Variants in CNGB1 observed in about 807,000 individuals in gnomAD.
CNGB1 encodes the protein cyclic nucleotide gated channel subunit beta 1.
A neutral mutation model predicts 151.7 loss-of-function variants in CNGB1; 126 were observed. The observed-to-expected ratio is 0.83, with a 90% CI of 0.72 to 0.96. The LOEUF (loss-of-function observed/expected upper bound fraction) is 0.96. Among genes scored for constraint, CNGB1 ranks in the 40% least tolerant of loss-of-function variants. The pLI, the probability that CNGB1 is intolerant of heterozygous loss-of-function variation, is 0.00. For synonymous variants in CNGB1, 623 were observed against 635.1 expected (o/e 0.98, Z 0.29); for missense variants, 1,698 against 1,627.0 (o/e 1.04, Z -0.75).
intron 32 of CNGB1, among the ~76,000 whole-genome samples, chr16:57,887,348 T>C (rs1363641222): frequency 6.6e-6 from 1 of 151,912 alleles, no homozygotes; most frequent in Non-Finnish European, 1.5e-5. Context: ...CAGGGGCGGG[T>C]ATGTGACCCA....
intron 16 of CNGB1, among the ~76,000 whole-genome samples, chr16:57,933,642 T>C (rs1270024574): frequency 3.9e-5 from 6 of 152,112 alleles, no homozygotes; most frequent in Non-Finnish European, 8.8e-5. Flanking sequence ...CAGGCAGGGA[T>C]ACACCCCCCA....
At position 57,950,550 on chromosome 16, in the gene CNGB1, A is replaced by T; in HGVS notation, c.875-10T>A. ...CCAGGAAGGATGCTGACTGCAGGGA[A>T]CACAGGAAGAGCCATTTATGGGATG... On this transcript the variant is annotated splice_polypyrimidine_tract_variant and intron_variant, in intron 12 of 32. Coordinates refer to ENST00000251102, the MANE Select transcript of CNGB1 (RefSeq NM_001297.5). The T allele has an allele frequency of 6.2e-7, 1 of 1,613,938 alleles. No homozygotes were observed. Among genetic ancestry groups the T allele is most frequent in the Non-Finnish European group, 8.5e-7 (1 of 1,179,914 alleles).
intron 14 of CNGB1, 101 bp from the exon 15 acceptor site, chr16:57,940,422 G>A: frequency 1.7e-6 from 2 of 1,173,476 alleles, no homozygotes; most frequent in African/African-American, 1.5e-5. Context: ...AGGAGCGGAG[G>A]GTACAGAGAT....
In CNGB1 at chr16:57,916,120, G is replaced by C. The variant is rs368099688; in HGVS notation, c.2217+9C>G. 1.9e-6 allele frequency: 3 copies of C among 1,613,682 alleles called. No homozygotes were observed. Among genetic ancestry groups the C allele is most frequent in the Admixed American group, 1.7e-5 (1 of 59,986 alleles). The stretch of plus-strand genomic sequence containing the variant: ...CGCAGACGCTAAACCTTGCATGCCC[G>C]GCACACACCTTGAAGCGGCGAGACT... On this transcript the variant is annotated intron_variant, in intron 22 of 32. Transcript: ENST00000251102.
intron 26 of CNGB1, among the ~76,000 whole-genome samples, 197 bp from the exon 27 acceptor site, chr16:57,904,178 G>C (rs999452453): frequency 3.5e-4 from 54 of 152,116 alleles, no homozygotes; most frequent in African/African-American, 1.1e-3. Flanking sequence ...CATGGATGTG[G>C]GGAAGAGGAA....
At chr16:57,896,502 C>T (rs1213610587) in intron 31 of CNGB1, among the ~76,000 whole-genome samples, 1 of 151,790 alleles carries the variant, frequency 6.6e-6, no homozygotes, top group Non-Finnish European at 1.5e-5. Flanking sequence ...ATCACGATGT[C>T]AGGAGTTTGA....
rs1433499581 is a variant in CNGB1, at chr16:57,919,168, G to A, written c.1888C>T (p.Leu630Phe). 1 of 1,614,214 alleles carries A rather than the reference G, an allele frequency of 6.2e-7. No homozygotes were observed. The highest frequency in any genetic ancestry group is 1.1e-5 in the South Asian group (1 of 91,088). ...PVEEEHYCDM[L>F]CCKFKHRPWK... The stretch of plus-strand genomic sequence containing the variant: ...GGGCGGTGTTTGAACTTGCAGCAGA[G>A]CATGTCGCAATAGTGCTCCTCTTCC... Residue 630 changes from leucine to phenylalanine, a missense_variant, in exon 20 of 33, where the codon CTC becomes TTC. Physicochemically the swap from Leu to Phe is conservative, Grantham distance 22. Coordinates refer to ENST00000251102, the MANE Select transcript of CNGB1 (RefSeq NM_001297.5).
intron 26 of CNGB1, among the ~76,000 whole-genome samples, chr16:57,904,325 G>C (rs893747470): frequency 6.6e-6 from 1 of 152,144 alleles, no homozygotes; most frequent in African/African-American, 2.4e-5. Context: ...CTCCATGCTG[G>C]AGGAAATAGG....
intron 2 of CNGB1, 147 bp downstream of exon 2, chr16:57,966,981 G>A (rs1360584573): frequency 9.2e-6 from 10 of 1,087,492 alleles, no homozygotes; most frequent in East Asian, 2.5e-5. Context: ...TTTCTCACTC[G>A]AACAAGTGTG....
chr16:57,918,746 T>A lies in CNGB1; in HGVS notation c.1957+353A>T, dbSNP rs182232737. ...ACAGAGTCTCACTCTGTCACCTAGG[T>A]TGGAATGCAATTGTGCGATCTTGAC... On this transcript the variant is annotated intron_variant, in intron 20 of 32. Coordinates refer to ENST00000251102, the MANE Select transcript of CNGB1 (RefSeq NM_001297.5). Among the ~76,000 whole-genome samples the A allele has an allele frequency of 1.4e-3, 211 of 152,248 alleles. 1 individual carries two copies. Among genetic ancestry groups the A allele is most frequent in the African/African-American group, 5.0e-3 (206 of 41,554 alleles).
chr16:57,959,777 G>A (rs1962190006), intron 10 of CNGB1, 111 bp downstream of exon 10: 2 of 1,333,816 alleles, frequency 1.5e-6, no homozygotes, highest in South Asian at 3.4e-5. Flanking sequence ...GAAGGAGGCT[G>A]CACACATCCA....
chr16:57,951,281 G>A (rs773838486), intron 12 of CNGB1, among the ~76,000 whole-genome samples: 4 of 152,154 alleles, frequency 2.6e-5, no homozygotes, highest in Non-Finnish European at 5.9e-5. Flanking sequence ...AAAGGACAAT[G>A]CCTGAATACT....
chr16:57,928,891 C>T (rs750817100), intron 17 of CNGB1, among the ~76,000 whole-genome samples: 3 of 152,062 alleles, frequency 2.0e-5, no homozygotes, highest in Non-Finnish European at 4.4e-5. Context: ...CATCTGCCTC[C>T]GCCTCCCAAA....
chr16:57,938,045 C>T (rs74963797), intron 16 of CNGB1, among the ~76,000 whole-genome samples: 7,657 of 152,258 alleles, frequency 0.05, 629 homozygotes, highest in African/African-American at 0.17. Flanking sequence ...AGGTCTGGAT[C>T]GCGGCCCAAG....
rs200323241 is a variant in CNGB1, at chr16:57,962,587, C to T, written c.436G>A (p.Ala146Thr). ...CACCTAGTGTCTTGGGCCTCAAGGGCCTCATTGGGTTCATCTGTGCACCCT... is the reference window on the plus strand; with the variant it reads ...CACCTAGTGTCTTGGGCCTCAAGGGTCTCATTGGGTTCATCTGTGCACCCT... ...DTGCTDEPNE[A>T]LEAQDTRPGL... Residue 146 changes from alanine to threonine, a missense_variant, in exon 7 of 33, where the codon GCC becomes ACC. By Grantham distance (58) the Ala-to-Thr change is moderately conservative. Transcript: ENST00000251102. 2.5e-6 allele frequency: 4 copies of T among 1,614,016 alleles called. No homozygotes were observed. In the South Asian group the frequency reaches 4.4e-5, roughly 18 times the overall value.
At chr16:57,904,985 A>C in intron 25 of CNGB1, 110 bp from the exon 26 acceptor site, 1 of 1,385,572 alleles carries the variant, frequency 7.2e-7, no homozygotes, top group Non-Finnish European at 1.0e-6. Flanking sequence ...AAAGACAGAA[A>C]CCCTTTACAG....
At position 57,939,421 on chromosome 16, in the gene CNGB1, C is replaced by T. The variant is rs1208649170; in HGVS notation, c.1372+9G>A. On this transcript the variant is annotated intron_variant, in intron 16 of 32. Coordinates refer to ENST00000251102, the MANE Select transcript of CNGB1 (RefSeq NM_001297.5). ...TTGCGCAACCCATCACCACCACCAC[C>T]ACACCTACCTCCTGAACTGGCAGCC... The T allele has an allele frequency of 1.9e-6, 3 of 1,614,060 alleles. No individual in the cohort carries two copies. The highest frequency in any genetic ancestry group is 2.5e-6 in the Non-Finnish European group (3 of 1,180,002).
intron 14 of CNGB1, among the ~76,000 whole-genome samples, chr16:57,944,467 C>T (rs1206497884): frequency 1.3e-5 from 2 of 152,106 alleles, no homozygotes; most frequent in Non-Finnish European, 2.9e-5. Context: ...ATCTATTATA[C>T]AGCCTGTGAC....
intron 1 of CNGB1, among the ~76,000 whole-genome samples, chr16:57,967,580 C>T (rs763023027): frequency 1.3e-4 from 20 of 152,060 alleles, no homozygotes; most frequent in Non-Finnish European, 2.8e-4. Context: ...CCTGTAGTCC[C>T]AGCTACTCAG....
Sources: gnomAD v4.1 joint callset for allele counts (sites outside exome capture counted in the v4.1 genomes callset) on GRCh38, gnomAD v4.1.1 for gene constraint, MANE v1.5 for transcripts, NCBI Gene and HGNC (gene_info 2026-07-23, HGNC 2026-07-21) for gene names.